The following CREBBP variants were observed in gnomAD, a reference collection of about 807,000 sequenced individuals.
The protein encoded by CREBBP is CREB-binding protein.
CREBBP carries 19 observed loss-of-function variants against 265.0 expected under a neutral mutation model. That is an observed-to-expected ratio of 0.07 (90% CI 0.05 to 0.11). The LOEUF is 0.11. CREBBP is among the 10% of genes least tolerant of loss of function. CREBBP has a pLI of 1.00. For missense variants in CREBBP, 2,525 were observed against 3,219.0 expected (o/e 0.78, Z 5.22); for synonymous variants, 1,457 against 1,223.7 (o/e 1.19, Z -3.98).
At chr16:3,750,910 A>C (rs956023265) in intron 20 of CREBBP, among the ~76,000 whole-genome samples, 3 of 152,228 alleles carry the variant, frequency 2.0e-5, no homozygotes, top group African/African-American at 7.2e-5. Flanking sequence ...CCAGTTCTGC[A>C]AATGGGGATA....
intron 3 of CREBBP, among the ~76,000 whole-genome samples, chr16:3,803,802 C>T (rs192167444): frequency 4.7e-4 from 71 of 151,950 alleles, no homozygotes; most frequent in Non-Finnish European, 9.1e-4. Context: ...ATAAGGTGGC[C>T]GGGAGAGGTG....
intron 1 of CREBBP, among the ~76,000 whole-genome samples, chr16:3,873,760 G>A (rs745835722): frequency 6.6e-6 from 1 of 152,198 alleles, no homozygotes; most frequent in Non-Finnish European, 1.5e-5. Context: ...AAGGCCAGCT[G>A]GTTTGGTGGC....
At position 3,872,590 on chromosome 16, in the gene CREBBP, C is replaced by T. The variant is rs74003436; in HGVS notation, c.85+7242G>A. Among the ~76,000 whole-genome samples, 430 of 152,214 alleles carry T rather than the reference C, an allele frequency of 2.8e-3. 4 individuals are homozygous for T. The highest frequency in any genetic ancestry group is 9.8e-3 in the African/African-American group (408 of 41,508). On this transcript the variant is annotated intron_variant, in intron 1 of 30. Transcript: ENST00000262367. ...TTCCAGTTAAAGCAAGGAGTGTATC[C>T]GGAGGGATGCACTGCAAGGAAAAGA...
intron 11 of CREBBP, among the ~76,000 whole-genome samples, chr16:3,775,435 T>G (rs2053114333): frequency 6.6e-6 from 1 of 152,158 alleles, no homozygotes; most frequent in East Asian, 1.9e-4. Flanking sequence ...AAGCACCAGT[T>G]CAAATTAGTC....
chr16:3,841,852 C>T (rs2054572449), intron 2 of CREBBP, among the ~76,000 whole-genome samples: 2 of 152,104 alleles, frequency 1.3e-5, no homozygotes, highest in African/African-American at 2.4e-5. Flanking sequence ...TTCTCAGGTC[C>T]CAACCAAAAT....
chr16:3,866,582 G>A (rs990111013), intron 1 of CREBBP, among the ~76,000 whole-genome samples: 3 of 151,642 alleles, frequency 2.0e-5, no homozygotes, highest in African/African-American at 7.3e-5. Context: ...CCCCCAAAAT[G>A]TTTTGTTTTG....
At chr16:3,876,059 G>T (rs754931286) in intron 1 of CREBBP, among the ~76,000 whole-genome samples, 4 of 151,922 alleles carry the variant, frequency 2.6e-5, no homozygotes, top group Non-Finnish European at 5.9e-5. Context: ...TTCCCCCAGA[G>T]ACAGGGTCTC....
intron 21 of CREBBP, among the ~76,000 whole-genome samples, chr16:3,749,420 ATCCAG>A (rs2151367010): frequency 6.6e-6 from 1 of 152,358 alleles, no homozygotes; most frequent in South Asian, 2.1e-4. Flanking sequence ...CATTGTTAAA[ATCCAG>A]TAACTAGAGT....
At chr16:3,772,835 C>T (rs1183292316) in intron 13 of CREBBP, among the ~76,000 whole-genome samples, 3 of 146,942 alleles carry the variant, frequency 2.0e-5, no homozygotes, top group South Asian at 2.1e-4. Context: ...TTTGGGAGGC[C>T]GAGGTGGGTG....
At chr16:3,796,831 C>G (rs1224802512) in intron 3 of CREBBP, among the ~76,000 whole-genome samples, 2 of 152,182 alleles carry the variant, frequency 1.3e-5, no homozygotes, top group African/African-American at 4.8e-5. Flanking sequence ...TTAATGAGCT[C>G]TACATATTGT....
Position 3,736,196 on chromosome 16 carries a change from A to C in CREBBP, c.4568T>G (p.Phe1523Cys). The C allele has an allele frequency of 6.2e-7, 1 of 1,614,204 alleles. No individual in the cohort carries two copies. The change falls in exon 28 of 31, where the codon TTC (phenylalanine) becomes TGC (cysteine). Residue 1523 changes from phenylalanine (F) to cysteine (C), a missense_variant. Phe to Cys is a radical substitution (Grantham distance 205). This residue lies in a region of CREBBP where 93 missense variants were observed against 161.5 expected (regional missense o/e 0.58). Transcript: ENST00000262367. ...ERIIHDYKDI[F>C]KQATEDRLTS... ...GAGCCTGTCTTCAGTTGCTTGTTTG[A>C]AAATATCCTGAGTGGGCAAAGCACA...
intron 23 of CREBBP, 91 bp from the exon 24 acceptor site, chr16:3,740,640 C>T: frequency 7.0e-7 from 1 of 1,437,402 alleles, no homozygotes; most frequent in Non-Finnish European, 9.8e-7. Context: ...CTTTGCAGCA[C>T]AGGCTGATAT....
chr16:3,748,892 T>C (rs1184797429), intron 21 of CREBBP, among the ~76,000 whole-genome samples: 1 of 152,200 alleles, frequency 6.6e-6, no homozygotes, highest in Admixed American at 6.5e-5. Context: ...ACGCCTGGAA[T>C]CCCAGCACTT....
chr16:3,739,585 T>C lies in CREBBP; in HGVS notation c.4273A>G (p.Asn1425Asp), dbSNP rs771907971. 6.2e-7 allele frequency: 1 copy of C among 1,614,154 alleles called. No homozygotes were observed. Among genetic ancestry groups the C allele is most frequent in the Non-Finnish European group, 8.5e-7 (1 of 1,180,034 alleles). The change falls in exon 25 of 31, where the codon AAC (asparagine) becomes GAC (aspartate). Residue 1425 changes from asparagine (N) to aspartate (D), a missense_variant. Physicochemically the swap from Asn to Asp is conservative, Grantham distance 23. Transcript: ENST00000262367. ...AAGGAGCTGGAAAACTACCTCGTGT[T>C]TGGAGGGGGGCAATCAGAGCCGTAT... ...QEYGSDCPPP[N>D]TRRVYISYLD...
intron 2 of CREBBP, among the ~76,000 whole-genome samples, chr16:3,849,424 T>TGTGTGTG (rs1567360040): frequency 6.8e-4 from 5 of 7,402 alleles, no homozygotes; most frequent in Admixed American, 2.5e-3. Context: ...TGTGTGTGTG[T>TGTGTGTG]GTGTGTGTGT....
intron 24 of CREBBP, 101 bp from the exon 25 acceptor site, chr16:3,739,825 C>T (rs376971509): frequency 1.4e-5 from 22 of 1,543,162 alleles, no homozygotes; most frequent in Middle Eastern, 1.7e-4. Flanking sequence ...TGCAGATGAG[C>T]GGAGGCATGG....
intron 1 of CREBBP, among the ~76,000 whole-genome samples, chr16:3,862,074 C>T (rs756007514): frequency 3.9e-5 from 6 of 152,120 alleles, no homozygotes; most frequent in Admixed American, 1.3e-4. Flanking sequence ...GAATAGAAGT[C>T]GGCCTCCCCA....
chr16:3,849,431 G>GTGATGTGCGTGACCT (rs2054752923), intron 2 of CREBBP, among the ~76,000 whole-genome samples: 1 of 14,480 alleles, frequency 6.9e-5, no homozygotes, highest in African/African-American at 1.3e-4. Flanking sequence ...GTGTGTGTGT[G>GTGATGTGCGTGACCT]TGTGTGTGTG....
intron 28 of CREBBP, among the ~76,000 whole-genome samples, chr16:3,732,677 T>C (rs1016459922): frequency 2.6e-5 from 4 of 152,046 alleles, no homozygotes; most frequent in African/African-American, 4.8e-5. Flanking sequence ...GCTGGGATTA[T>C]AGGCACCCGC....
Sources: gnomAD v4.1 joint callset for allele counts (sites outside exome capture counted in the v4.1 genomes callset) on GRCh38, gnomAD v4.1.1 for gene constraint, gnomAD v4.1.1 regional missense constraint, MANE v1.5 for transcripts, NCBI Gene and HGNC (gene_info 2026-07-23, HGNC 2026-07-21) for gene names.